SYT17: variants seen among roughly 807,000 people sequenced by gnomAD.
SYT17 encodes synaptotagmin-17.
SYT17 carries 22 observed loss-of-function variants against 46.7 expected under a neutral mutation model. That is an observed-to-expected ratio of 0.47 (90% CI 0.34 to 0.67). The LOEUF (loss-of-function observed/expected upper bound fraction) is 0.67. SYT17 is among the 30% of genes least tolerant of loss of function. The probability of loss-of-function intolerance (pLI) is 0.01; values close to 1 mark genes in which losing one functional copy is unlikely to be tolerated. For synonymous variants in SYT17, 251 were observed against 248.4 expected (o/e 1.01, Z -0.10); for missense variants, 519 against 612.8 (o/e 0.85, Z 1.62).
In SYT17 at chr16:19,188,643, A is replaced by G. The variant is rs139765871; in HGVS notation, c.951+4496A>G. 3.1e-4 allele frequency among the ~76,000 whole-genome samples: 47 copies of G among 152,240 alleles called. No homozygotes were observed. In the East Asian group the frequency reaches 7.1e-3, roughly 23 times the overall value. On this transcript the variant is annotated intron_variant, in intron 5 of 7. Coordinates refer to ENST00000355377, the MANE Select transcript of SYT17 (RefSeq NM_016524.4). The stretch of plus-strand genomic sequence containing the variant: ...GTTGCCAGGGCTGCCATAACAGAGT[A>G]CTACAAATTGAGTGGCTTAAAGCAA...
chr16:19,180,179 G>T, intron 3 of SYT17: 1 of 549,222 alleles, frequency 1.8e-6, no homozygotes, highest in Non-Finnish European at 3.3e-6. Context: ...GTTCTAAATT[G>T]GGGAATATTT....
chr16:19,233,397 A>G (rs543009676), intron 7 of SYT17, among the ~76,000 whole-genome samples: 1 of 152,152 alleles, frequency 6.6e-6, no homozygotes, highest in South Asian at 2.1e-4. Context: ...CACATGTATA[A>G]TCCCAGTACT....
In SYT17 at chr16:19,209,876, T is replaced by TCAAAA. The variant is rs754061184; in HGVS notation, c.952-13148_952-13144dup. 3.3e-3 allele frequency among the ~76,000 whole-genome samples: 297 copies of TCAAAA among 90,866 alleles called. 2 individuals carry two copies. The highest frequency in any genetic ancestry group is 0.017 in the Middle Eastern group (3 of 180). The allele number at this position is 90,866 out of a possible 152,430, so 59.6% of individuals were successfully genotyped here. ...CTGGGAGACAGAGCAAGACTCTGTC[T>TCAAAA]CAAAACAAAACAAAACAAAACAAAA... On this transcript the variant is annotated intron_variant, in intron 5 of 7. Coordinates refer to ENST00000355377, the MANE Select transcript of SYT17 (RefSeq NM_016524.4).
chr16:19,183,414 T>C lies in SYT17; in HGVS notation c.332-114T>C. On this transcript the variant is annotated intron_variant, in intron 4 of 7. Coordinates refer to ENST00000355377, the MANE Select transcript of SYT17 (RefSeq NM_016524.4). The surrounding 1 kb of genome is among the most constrained non-coding windows in gnomAD (Gnocchi z 5.6). ...GAGTATTTCAGAGTGTGGAGAAAGATGGCAAAGGTCATTCTGAAGCAGAGT... is the reference window on the plus strand; with the variant it reads ...GAGTATTTCAGAGTGTGGAGAAAGACGGCAAAGGTCATTCTGAAGCAGAGT... 1 of 1,415,178 alleles carries C rather than the reference T, an allele frequency of 7.1e-7. No individual in the cohort carries two copies. Among genetic ancestry groups the C allele is most frequent in the African/African-American group, 1.4e-5 (1 of 70,206 alleles). 87.7% of individuals were successfully genotyped at this position (1,415,178 alleles called of 1,614,324 possible).
chr16:19,235,780 A>C (rs1966841305), intron 7 of SYT17, among the ~76,000 whole-genome samples: 1 of 152,232 alleles, frequency 6.6e-6, no homozygotes, highest in African/African-American at 2.4e-5. Context: ...AGAACTGAAA[A>C]AGTACAATCA....
At chr16:19,241,436 C>T (rs930821844) in intron 7 of SYT17, among the ~76,000 whole-genome samples, 1 of 152,102 alleles carries the variant, frequency 6.6e-6, no homozygotes, top group African/African-American at 2.4e-5. Flanking sequence ...CAGGAAGCTC[C>T]CTCCCTGCCA....
intron 7 of SYT17, among the ~76,000 whole-genome samples, chr16:19,254,986 G>A (rs775120646): frequency 2.6e-5 from 4 of 152,168 alleles, no homozygotes; most frequent in Non-Finnish European, 5.9e-5. Flanking sequence ...TTCATCTCTT[G>A]AGGAAGGAGA....
At chr16:19,228,215 A>G (rs1449759790) in intron 7 of SYT17, among the ~76,000 whole-genome samples, 5 of 151,730 alleles carry the variant, frequency 3.3e-5, no homozygotes, top group Admixed American at 6.6e-5. Context: ...GCCACACCAC[A>G]CCCCCTCTCC....
chr16:19,182,783 G>A (rs1440530232), intron 4 of SYT17, among the ~76,000 whole-genome samples: 4 of 152,238 alleles, frequency 2.6e-5, no homozygotes, highest in Non-Finnish European at 2.9e-5. Context: ...GAGGCGGCCC[G>A]TAAGCGGTGA....
At position 19,168,510 on chromosome 16, in the gene SYT17, A is replaced by G. The variant is rs1055747100; in HGVS notation, c.-137A>G. ...GAGGGGCGGGCGCCGCTCATCAGCC[A>G]CGCCAGTCACGTCTGGGGCCACCGG... On this transcript the variant is annotated 5_prime_UTR_variant, in exon 1 of 8. Transcript: ENST00000355377. The surrounding 1 kb of genome is among the most constrained non-coding windows in gnomAD (Gnocchi z 6.9). The G allele has an allele frequency of 1.6e-6, 2 of 1,240,920 alleles. No homozygotes were observed. The highest frequency in any genetic ancestry group is 3.1e-5 in the African/African-American group (2 of 63,884). 76.9% of individuals were successfully genotyped at this position (1,240,920 alleles called of 1,614,324 possible).
chr16:19,222,652 G>C (rs75701225), intron 5 of SYT17, among the ~76,000 whole-genome samples: 1,782 of 152,276 alleles, frequency 0.012, 39 homozygotes, highest in African/African-American at 0.041. Context: ...CCACTTTCTT[G>C]CTGTGGCTTT....
chr16:19,250,117 T>G, intron 7 of SYT17: 1 of 1,463,240 alleles, frequency 6.8e-7, no homozygotes. Flanking sequence ...TTAAAGGCTT[T>G]GGTTTAACAT....
chr16:19,201,501 C>T (rs1324272739), intron 5 of SYT17, among the ~76,000 whole-genome samples: 1 of 151,920 alleles, frequency 6.6e-6, no homozygotes, highest in African/African-American at 2.4e-5. Context: ...GCTTCTGACA[C>T]TGGAAAAAGT....
Position 19,267,107 on chromosome 16 carries a change from TAAAAA to T in SYT17, c.*43_*47del. On this transcript the variant is annotated 3_prime_UTR_variant, in exon 8 of 8. Coordinates refer to ENST00000355377, the MANE Select transcript of SYT17 (RefSeq NM_016524.4). ...GCAGGGAAGGCAGCTTTCATTTGTTTAAAAAAAAAAAAAAAAGACGGAAAAAAATG... is the reference window on the plus strand; with the variant it reads ...GCAGGGAAGGCAGCTTTCATTTGTTTAAAAAAAAAAAGACGGAAAAAAATG... 1.5e-6 allele frequency: 2 copies of T among 1,312,342 alleles called. No homozygotes were observed. The highest frequency in any genetic ancestry group is 9.9e-7 in the Non-Finnish European group (1 of 1,006,494). 81.3% of individuals were successfully genotyped at this position (1,312,342 alleles called of 1,614,324 possible). A position where few individuals can be genotyped will look rare whatever the true frequency, so the allele number is the denominator to read the frequency against.
At chr16:19,231,542 A>AAG (rs1966686978) in intron 7 of SYT17, among the ~76,000 whole-genome samples, 2 of 150,742 alleles carry the variant, frequency 1.3e-5, no homozygotes, top group African/African-American at 2.4e-5. Flanking sequence ...AAAAAAAAAA[A>AAG]AAAAAAAAGA....
chr16:19,192,303 C>T (rs1210050680), intron 5 of SYT17, among the ~76,000 whole-genome samples: 8 of 151,870 alleles, frequency 5.3e-5, no homozygotes, highest in Admixed American at 5.2e-4. Context: ...TGCCTGTAGT[C>T]CTGGCTACTC....
intron 7 of SYT17, among the ~76,000 whole-genome samples, chr16:19,233,657 A>G (rs569964417): frequency 6.6e-6 from 1 of 152,156 alleles, no homozygotes; most frequent in African/African-American, 2.4e-5. Flanking sequence ...CTCTGTCTCA[A>G]AAAATAAAAT....
intron 6 of SYT17, among the ~76,000 whole-genome samples, chr16:19,224,398 G>T (rs1966427906): frequency 6.6e-6 from 1 of 152,182 alleles, no homozygotes; most frequent in South Asian, 2.1e-4. Flanking sequence ...TGGATGGATG[G>T]TTGAACTGTC....
intron 7 of SYT17, among the ~76,000 whole-genome samples, chr16:19,228,063 G>A (rs1966557325): frequency 1.3e-5 from 2 of 150,158 alleles, no homozygotes; most frequent in Non-Finnish European, 3.0e-5. Context: ...GGGTGGGGGG[G>A]TATGACAGAA....
Sources: gnomAD v4.1 joint callset for allele counts (sites outside exome capture counted in the v4.1 genomes callset) on GRCh38, gnomAD v4.1.1 for gene constraint, Gnocchi (gnomAD v3.1) non-coding constraint, MANE v1.5 for transcripts, NCBI Gene and HGNC (gene_info 2026-07-23, HGNC 2026-07-21) for gene names.